Variants in ENTREP2 observed in about 807,000 individuals in gnomAD.
ENTREP2 encodes the protein protein ENTREP2.
chr15:29,513,433 G>A, the ENTREP2 span, among the ~76,000 whole-genome samples: 1 of 152,164 alleles, frequency 6.6e-6, no homozygotes, highest in African/African-American at 2.4e-5. Flanking sequence ...AAAACCATTG[G>A]TCAACATTAG....
the ENTREP2 span, among the ~76,000 whole-genome samples, chr15:29,531,800 G>C: frequency 0.079 from 12,047 of 152,110 alleles, 1,567 homozygotes; most frequent in African/African-American, 0.27. Flanking sequence ...GGAGAAGCTG[G>C]GACTAAAGGC....
At chr15:29,648,609 G>C in the ENTREP2 span, among the ~76,000 whole-genome samples, 13 of 152,174 alleles carry the variant, frequency 8.5e-5, no homozygotes, top group African/African-American at 3.1e-4. Flanking sequence ...AAATGATCAA[G>C]GTCAATACCA....
chr15:29,661,694 G>A, the ENTREP2 span, among the ~76,000 whole-genome samples: 1 of 152,050 alleles, frequency 6.6e-6, no homozygotes. Flanking sequence ...AGCATCCAAG[G>A]CTATAATACA....
chr15:29,442,252 G>A, the ENTREP2 span, among the ~76,000 whole-genome samples: 2 of 152,030 alleles, frequency 1.3e-5, no homozygotes, highest in African/African-American at 4.8e-5. Flanking sequence ...GGTCAGAGTG[G>A]AGATCATTTT....
At chr15:29,202,741 T>A in the ENTREP2 span, among the ~76,000 whole-genome samples, 1 of 152,104 alleles carries the variant, frequency 6.6e-6, no homozygotes, top group Non-Finnish European at 1.5e-5. Flanking sequence ...CAGTGTTTGG[T>A]TTTCTGTTCC....
the ENTREP2 span, among the ~76,000 whole-genome samples, chr15:29,362,917 G>A: frequency 3.2e-3 from 492 of 152,062 alleles, 1 homozygote; most frequent in Non-Finnish European, 1.6e-3. Context: ...TTTCAGTCTC[G>A]TTTTTCTGGT....
the ENTREP2 span, among the ~76,000 whole-genome samples, chr15:29,423,190 A>G: frequency 2.0e-5 from 3 of 152,188 alleles, no homozygotes; most frequent in Admixed American, 6.5e-5. Context: ...TGACCTTGGA[A>G]TCTTTTTAAC....
the ENTREP2 span, among the ~76,000 whole-genome samples, chr15:29,663,143 A>T: frequency 1.3e-5 from 2 of 152,152 alleles, 1 homozygote; most frequent in South Asian, 4.1e-4. Flanking sequence ...ACACACACAC[A>T]TGCTTGGTGT....
the ENTREP2 span, among the ~76,000 whole-genome samples, chr15:29,634,336 A>G: frequency 1.3e-5 from 2 of 151,994 alleles, no homozygotes; most frequent in Non-Finnish European, 2.9e-5. Context: ...ACAAGTGCAC[A>G]CGATCCCCTC....
At chr15:29,411,241 T>G in the ENTREP2 span, among the ~76,000 whole-genome samples, 1 of 152,250 alleles carries the variant, frequency 6.6e-6, no homozygotes, top group Non-Finnish European at 1.5e-5. Context: ...TCACGGTATG[T>G]GTGCATGTTC....
the ENTREP2 span, among the ~76,000 whole-genome samples, chr15:29,131,833 A>G: frequency 8.1e-6 from 1 of 123,952 alleles, no homozygotes. Flanking sequence ...CCAGACAAGA[A>G]GATCAAACTG....
At chr15:29,514,098 A>G in the ENTREP2 span, among the ~76,000 whole-genome samples, 1 of 152,142 alleles carries the variant, frequency 6.6e-6, no homozygotes, top group African/African-American at 2.4e-5. Flanking sequence ...AACATGTAAG[A>G]TTTACCATCT....
the ENTREP2 span, among the ~76,000 whole-genome samples, chr15:29,192,325 T>A: frequency 6.6e-6 from 1 of 152,126 alleles, no homozygotes; most frequent in Admixed American, 6.5e-5. Context: ...TAAGAGAAAG[T>A]TTCCTCAAGA....
At chr15:29,247,514 A>T in the ENTREP2 span, among the ~76,000 whole-genome samples, 1 of 152,330 alleles carries the variant, frequency 6.6e-6, no homozygotes, top group East Asian at 1.9e-4. Flanking sequence ...TTTAAGTGGT[A>T]TTGCTCTGGA....
the ENTREP2 span, among the ~76,000 whole-genome samples, chr15:29,276,577 G>A: frequency 3.3e-5 from 5 of 152,198 alleles, no homozygotes; most frequent in African/African-American, 1.2e-4. Flanking sequence ...GCTGAGGGGT[G>A]ATGTAAGCCT....
the ENTREP2 span, among the ~76,000 whole-genome samples, chr15:29,493,379 C>T: frequency 5.3e-5 from 8 of 151,456 alleles, no homozygotes; most frequent in South Asian, 1.3e-3. Context: ...GTGATCCGCC[C>T]GCCTCGGCCT....
chr15:29,656,813 T>C, the ENTREP2 span, among the ~76,000 whole-genome samples: 8 of 152,306 alleles, frequency 5.3e-5, no homozygotes, highest in Admixed American at 4.6e-4. Context: ...GTTAAGCATG[T>C]ACTTACCCTA....
chr15:29,138,357 C>T, the ENTREP2 span, among the ~76,000 whole-genome samples: 6 of 152,190 alleles, frequency 3.9e-5, no homozygotes, highest in Non-Finnish European at 8.8e-5. Context: ...TCTCTGCTGC[C>T]CAGAGGTCAC....
the ENTREP2 span, among the ~76,000 whole-genome samples, chr15:29,444,796 G>A: frequency 6.6e-6 from 1 of 152,122 alleles, no homozygotes; most frequent in Admixed American, 6.5e-5. Context: ...ACAAATGCGT[G>A]GTCTACTGGA....
Sources: gnomAD v4.1 joint callset for allele counts (sites outside exome capture counted in the v4.1 genomes callset) on GRCh38, gnomAD v4.1.1 for gene constraint, MANE v1.5 for transcripts, NCBI Gene and HGNC (gene_info 2026-07-23, HGNC 2026-07-21) for gene names.